ATMIN: variants seen among roughly 807,000 people sequenced by gnomAD.
ATMIN encodes ATM interactor.
In ATMIN, 24 loss-of-function variants were observed where a neutral mutation model predicts 49.2. That is an observed-to-expected ratio of 0.49 (90% confidence interval 0.35 to 0.69). ATMIN has a LOEUF of 0.69. Ranked by LOEUF, ATMIN falls within the 30% of genes least tolerant of loss-of-function variation. The pLI is 0.00. For missense variants in ATMIN, 1,037 were observed against 1,005.5 expected, an observed-to-expected ratio of 1.03 and a Z score of -0.42; for synonymous variants, 450 against 392.5, an observed-to-expected ratio of 1.15 and a Z score of -1.73.
At position 81,047,267 on chromosome 16, in the gene ATMIN, A is replaced by G. The variant is rs1971137664; in HGVS notation, c.*2297A>G. On this transcript the variant is annotated 3_prime_UTR_variant, in exon 4 of 4. Coordinates refer to ENST00000299575, the MANE Select transcript of ATMIN (RefSeq NM_015251.3). ...TTTTTGTGAATTCTTGAACGTACTC[A>G]TAAATATGACTTATTGTATTGCCTT... 6.6e-6 allele frequency: 1 copy of G among 152,252 alleles called. No homozygotes were observed. The highest frequency in any genetic ancestry group is 1.5e-5 in the Non-Finnish European group (1 of 68,036). The allele number at this position is 152,252 out of a possible 1,614,324, so 9.4% of individuals were successfully genotyped here. A position where few individuals can be genotyped will look rare whatever the true frequency, so the allele number is the denominator to read the frequency against.
chr16:81,042,206 T>A, intron 2 of ATMIN, 75 bp from the exon 3 acceptor site: 1 of 1,204,484 alleles, frequency 8.3e-7, no homozygotes. Context: ...ATTATTAATT[T>A]GGGTGTATGA....
rs573170861 is a variant in ATMIN, at chr16:81,036,236, G to A, written c.336+30G>A. On this transcript the variant is annotated intron_variant, in intron 1 of 3. Coordinates refer to ENST00000299575, the MANE Select transcript of ATMIN (RefSeq NM_015251.3). ...GCCCGACGCGGCCGGCGGCCCGGGG[G>A]GCCGGGCCTGGCTCCAACAAAGCGC... 26 of 1,345,304 alleles carry A rather than the reference G, an allele frequency of 1.9e-5. No individual in the cohort carries two copies. In the Admixed American group the frequency reaches 2.0e-4, roughly 10 times the overall value. 83.3% of individuals were successfully genotyped at this position (1,345,304 alleles called of 1,614,324 possible).
In ATMIN at chr16:81,043,958, G is replaced by A; in HGVS notation, c.1460G>A (p.Gly487Asp). ...TTTATGGACACCTGTTTCCAGTCAG[G>A]TGGGGTCTCCAGAGAAACTCAAACC... ...DAFMDTCFQS[G>D]GVSRETQTSG... Residue 487 changes from glycine to aspartate, a missense_variant, in exon 4 of 4, where the codon GGT becomes GAT. Coordinates refer to ENST00000299575, the MANE Select transcript of ATMIN (RefSeq NM_015251.3). The A allele has an allele frequency of 6.2e-7, 1 of 1,614,184 alleles. No individual in the cohort carries two copies. The highest frequency in any genetic ancestry group is 8.5e-7 in the Non-Finnish European group (1 of 1,180,028).
chr16:81,044,120 C>T lies in ATMIN; in HGVS notation c.1622C>T (p.Thr541Ile), dbSNP rs1289821554. Residue 541 changes from threonine to isoleucine, a missense_variant, in exon 4 of 4, where the codon ACA (threonine) becomes ATA (isoleucine). By Grantham distance (89) the Thr-to-Ile change is moderately conservative. Coordinates refer to ENST00000299575, the MANE Select transcript of ATMIN (RefSeq NM_015251.3). ...ATAAGCAACAGTTTAGTAGCAGAGA[C>T]AGTAACTCATAGTTTGTTACCTCAG... ...NIISNSLVAETVTHSLLPQNE... is the reference protein window; with the variant it reads ...NIISNSLVAEIVTHSLLPQNE... 1 of 1,614,066 alleles carries T rather than the reference C, an allele frequency of 6.2e-7. No homozygotes were observed. Among genetic ancestry groups the T allele is most frequent in the East Asian group, 2.2e-5 (1 of 44,900 alleles).
chr16:81,041,690 T>TA, intron 2 of ATMIN: 1 of 486,214 alleles, frequency 2.1e-6, no homozygotes. Flanking sequence ...AGAACTGAGT[T>TA]AAAATACAGA....
rs1438990894 is a variant in ATMIN, at chr16:81,043,476, G to C, written c.978G>C (p.Gln326His). Reference sequence around the variant, plus strand: ...TGCCTACAGCCGACTCCTCAGCCCAGCCTGTGGTGTTAGGTGTTGATCAGG... The same window carrying C: ...TGCCTACAGCCGACTCCTCAGCCCACCCTGTGGTGTTAGGTGTTGATCAGG... ...VFVPTADSSA[Q>H]PVVLGVDQGS... The change falls in exon 4 of 4, where the codon CAG becomes CAC. Residue 326 changes from glutamine (Q) to histidine (H), a missense_variant. Coordinates refer to ENST00000299575, the MANE Select transcript of ATMIN (RefSeq NM_015251.3). 1.9e-6 allele frequency: 3 copies of C among 1,614,082 alleles called. No homozygotes were observed. The African/African-American group carries it at 4.0e-5, about 22-fold the overall frequency.
At chr16:81,040,042 C>G (rs542820146) in intron 1 of ATMIN, among the ~76,000 whole-genome samples, 1 of 152,184 alleles carries the variant, frequency 6.6e-6, no homozygotes, top group Non-Finnish European at 1.5e-5. Flanking sequence ...ACCCTCTACT[C>G]TTCAACTGTG....
In ATMIN at chr16:81,044,360, A is replaced by T; in HGVS notation, c.1862A>T (p.Asp621Val). The T allele has an allele frequency of 1.2e-6, 2 of 1,614,128 alleles. No individual in the cohort carries two copies. The highest frequency in any genetic ancestry group is 1.7e-6 in the Non-Finnish European group (2 of 1,180,016). The change falls in exon 4 of 4, where the codon GAC becomes GTC. Residue 621 changes from aspartate to valine, a missense_variant. Asp to Val is a radical substitution (Grantham distance 152). Transcript: ENST00000299575. ...SLLSDTNPGP[D>V]TQLPSGPAQN... Reference sequence around the variant, plus strand: ...TTGTCTGACACAAATCCTGGACCTGACACCCAGCTCCCATCTGGCCCAGCC... The same window carrying T: ...TTGTCTGACACAAATCCTGGACCTGTCACCCAGCTCCCATCTGGCCCAGCC...
chr16:81,036,315 C>G (rs1970932007), intron 1 of ATMIN, 109 bp downstream of exon 1: 7 of 998,950 alleles, frequency 7.0e-6, no homozygotes, highest in Middle Eastern at 4.4e-4. Flanking sequence ...TGCGCGCTGC[C>G]GCTGCCGCTG....
rs762248121 is a variant in ATMIN at position 81,043,402 on chromosome 16, G to A, written c.904G>A (p.Ala302Thr). 6.2e-7 allele frequency: 1 copy of A among 1,613,718 alleles called. No individual in the cohort carries two copies. ...QKLLLPKPKV[A>T]LVKLPVMQFS... ...GTTGCTTTTACCAAAGCCCAAAGTG[G>A]CTTTGGTTAAACTACCCGTGATGCA... is the stretch of plus-strand genomic sequence containing the variant. The change falls in exon 4 of 4, where the codon GCT becomes ACT. Residue 302 changes from alanine (A) to threonine (T), a missense_variant. Physicochemically the swap from Ala to Thr is moderately conservative, Grantham distance 58. Coordinates refer to ENST00000299575, the MANE Select transcript of ATMIN (RefSeq NM_015251.3).
intron 1 of ATMIN, 46 bp from the exon 2 acceptor site, chr16:81,041,310 T>C (rs1413585208): frequency 6.4e-7 from 1 of 1,574,512 alleles, no homozygotes; most frequent in African/African-American, 1.4e-5. Context: ...CAGCCTGTTG[T>C]GTTGTTTTTT....
chr16:81,036,064 CG>C lies in ATMIN; in HGVS notation c.199del (p.Glu67SerfsTer2). Reference protein sequence around the residue: ...TQQPAVPAPPAGELIQPSVSE... With the variant: ...TQQPAVPAPPXGELIQPSVSE... The stretch of plus-strand genomic sequence containing the variant: ...CAGCCCGCTGTCCCCGCGCCGCCGG[CG>C]GGGGAGCTGATCCAGCCGTCGGTGA... On this transcript the variant is annotated frameshift_variant, in exon 1 of 4. Transcript: ENST00000299575. LOFTEE classifies it high-confidence loss of function. 1.5e-6 allele frequency: 2 copies of C among 1,296,304 alleles called. No homozygotes were observed. Among genetic ancestry groups the C allele is most frequent in the Non-Finnish European group, 9.9e-7 (1 of 1,011,750 alleles). 80.3% of individuals were successfully genotyped at this position (1,296,304 alleles called of 1,614,324 possible).
rs777215782 is a variant in ATMIN, at chr16:81,044,004, G to A, written c.1506G>A (p.Thr502=). 10 of 1,614,048 alleles carry A rather than the reference G, an allele frequency of 6.2e-6. No homozygotes were observed. Among genetic ancestry groups the A allele is most frequent in the East Asian group, 2.2e-5 (1 of 44,896 alleles). The change falls in exon 4 of 4, where the codon ACG becomes ACA. Residue 502 remains threonine (T), a synonymous_variant. Coordinates refer to ENST00000299575, the MANE Select transcript of ATMIN (RefSeq NM_015251.3). ...AAACCAGTGGGATAGAAAGTCCAAC[G>A]GATGACCATGTACAGATGGACCAAG... ...ETQTSGIESP[T]DDHVQMDQAG...
chr16:81,045,227 T>C lies in ATMIN; in HGVS notation c.*257T>C, dbSNP rs985754354. The C allele has an allele frequency of 4.0e-5, 14 of 349,580 alleles. No homozygotes were observed. The highest frequency in any genetic ancestry group is 6.7e-5 in the Non-Finnish European group (14 of 209,628). The allele number at this position is 349,580 out of a possible 1,614,324, so 21.7% of individuals were successfully genotyped here. A position where few individuals can be genotyped will look rare whatever the true frequency, so the allele number is the denominator to read the frequency against. On this transcript the variant is annotated 3_prime_UTR_variant, in exon 4 of 4. Transcript: ENST00000299575. Reference sequence around the variant, plus strand: ...CCTTTTCACAGCTAGTCTTTTCATGTTAAAAAAAAAAATGTATTTCATATC... The same window carrying C: ...CCTTTTCACAGCTAGTCTTTTCATGCTAAAAAAAAAAATGTATTTCATATC...
intron 1 of ATMIN, among the ~76,000 whole-genome samples, chr16:81,039,891 A>G (rs1971011118): frequency 6.6e-6 from 1 of 152,220 alleles, no homozygotes; most frequent in Admixed American, 6.5e-5. Context: ...AAAGATTTCT[A>G]ATTTTAAATT....
At chr16:81,038,555 G>C (rs533188327) in intron 1 of ATMIN, among the ~76,000 whole-genome samples, 9 of 152,188 alleles carry the variant, frequency 5.9e-5, no homozygotes, top group Non-Finnish European at 7.3e-5. Flanking sequence ...CCCCTGAGCA[G>C]CTCCTGTCTT....
At chr16:81,039,568 C>G (rs984946260) in intron 1 of ATMIN, among the ~76,000 whole-genome samples, 2 of 152,130 alleles carry the variant, frequency 1.3e-5, no homozygotes, top group African/African-American at 2.4e-5. Context: ...GTAAGGAAAT[C>G]CAGAAATCTA....
intron 1 of ATMIN, 105 bp downstream of exon 1, chr16:81,036,311 C>A: frequency 1.0e-6 from 1 of 993,464 alleles, no homozygotes; most frequent in Non-Finnish European, 1.2e-6. Flanking sequence ...GCCCTGCGCG[C>A]TGCCGCTGCC....
chr16:81,036,871 A>T (rs1970946441), intron 1 of ATMIN, among the ~76,000 whole-genome samples: 2 of 152,174 alleles, frequency 1.3e-5, no homozygotes, highest in African/African-American at 4.8e-5. Context: ...GATTATGAAT[A>T]AAAAAATGTT....
Sources: allele counts gnomAD v4.1 joint callset (sites outside exome capture counted in the v4.1 genomes callset), GRCh38; gene constraint gnomAD v4.1.1; transcripts MANE v1.5; gene names NCBI Gene and HGNC (gene_info 2026-07-23, HGNC 2026-07-21).